The following LHFPL3 variants were observed in gnomAD, a reference collection of about 807,000 sequenced individuals.
LHFPL3 encodes the protein LHFPL tetraspan subfamily member 3 protein.
A neutral mutation model predicts 19.3 loss-of-function variants in LHFPL3; 5 were observed. That is an observed-to-expected ratio of 0.26 (90% confidence interval 0.14 to 0.54). The LOEUF (loss-of-function observed/expected upper bound fraction) is 0.54. LHFPL3 is among the 20% of genes least tolerant of loss of function. The pLI is 0.94. For synonymous variants in LHFPL3, 133 were observed against 126.2 expected (o/e 1.05, Z -0.36); for missense variants, 249 against 307.4 (o/e 0.81, Z 1.42).
At chr7:104,846,276 A>AAAT (rs1296446856) in intron 2 of LHFPL3, among the ~76,000 whole-genome samples, 1 of 152,232 alleles carries the variant, frequency 6.6e-6, no homozygotes, top group African/African-American at 2.4e-5. Context: ...GGAACATTTA[A>AAAT]AATATGATCC....
At chr7:104,691,797 T>G (rs902254351) in intron 1 of LHFPL3, among the ~76,000 whole-genome samples, 2 of 152,192 alleles carry the variant, frequency 1.3e-5, no homozygotes, top group African/African-American at 4.8e-5. Context: ...TTTGGAGGGC[T>G]CAGAAGACAG....
At chr7:104,725,319 T>C (rs1424132933) in intron 1 of LHFPL3, among the ~76,000 whole-genome samples, 3 of 152,236 alleles carry the variant, frequency 2.0e-5, no homozygotes, top group East Asian at 3.8e-4. Context: ...TCCAGTGAAG[T>C]TGTCCTATAA....
intron 1 of LHFPL3, among the ~76,000 whole-genome samples, chr7:104,444,857 G>T (rs1562899503): frequency 6.6e-6 from 1 of 152,040 alleles, no homozygotes; most frequent in East Asian, 1.9e-4. Flanking sequence ...GTATGATGGC[G>T]CATGTCTGTA....
intron 1 of LHFPL3, among the ~76,000 whole-genome samples, chr7:104,597,577 A>G (rs1311460060): frequency 6.6e-6 from 1 of 152,210 alleles, no homozygotes; most frequent in African/African-American, 2.4e-5. Context: ...GGGGAGGGGA[A>G]TGTGATTTCT....
intron 1 of LHFPL3, among the ~76,000 whole-genome samples, chr7:104,605,153 C>T (rs561849265): frequency 3.3e-5 from 5 of 152,190 alleles, no homozygotes; most frequent in East Asian, 1.9e-4. Flanking sequence ...TTTTAATCCA[C>T]GGGAAATATT....
chr7:104,738,841 C>G (rs1793879246), intron 2 of LHFPL3: 2 of 152,106 alleles, frequency 1.3e-5, no homozygotes, highest in Admixed American at 1.3e-4. Flanking sequence ...TATATTAAAC[C>G]ACCTTGCTAT....
chr7:104,495,942 A>T (rs1231830331), intron 1 of LHFPL3, among the ~76,000 whole-genome samples: 2 of 152,116 alleles, frequency 1.3e-5, no homozygotes. Flanking sequence ...ATTGTCTGAG[A>T]TCACACAGCT....
chr7:104,739,121 A>G (rs568229763), intron 2 of LHFPL3: 6 of 152,292 alleles, frequency 3.9e-5, no homozygotes, highest in East Asian at 1.9e-4. Flanking sequence ...AAACAGCTCT[A>G]TTGTAGGGAA....
Position 104,383,263 on chromosome 7 carries a change from T to C in LHFPL3, c.445+54039T>C, listed in dbSNP as rs1341315473. 3.3e-5 allele frequency among the ~76,000 whole-genome samples: 5 copies of C among 152,228 alleles called. No individual in the cohort carries two copies. The East Asian group carries it at 9.6e-4, about 29-fold the overall frequency. On this transcript the variant is annotated intron_variant, in intron 1 of 2. Transcript: ENST00000424859. ...TCTTCTTAGCACAGTGACTCTGATG[T>C]GGAGGTTTCAGATAGTGTAAGTACA...
In LHFPL3 at chr7:104,696,703, A is replaced by C. The variant is rs535978324; in HGVS notation, c.446-39972A>C. ...GTAGAAGGTCTTGCCAGAAAAGATA[A>C]AAGAAATTGATGGCTCTGAGGATTT... is the stretch of plus-strand genomic sequence containing the variant. On this transcript the variant is annotated intron_variant, in intron 1 of 2. Transcript: ENST00000424859. Among the ~76,000 whole-genome samples the C allele has an allele frequency of 5.3e-5, 8 of 152,348 alleles. No individual in the cohort carries two copies. In the East Asian group the frequency reaches 1.5e-3, roughly 29 times the overall value.
At chr7:104,606,949 C>G (rs1418994418) in intron 1 of LHFPL3, among the ~76,000 whole-genome samples, 2 of 151,482 alleles carry the variant, frequency 1.3e-5, no homozygotes, top group East Asian at 3.9e-4. Context: ...AAAAACACTT[C>G]AAAACAAAAC....
intron 2 of LHFPL3, among the ~76,000 whole-genome samples, chr7:104,824,866 T>A (rs915162621): frequency 1.5e-5 from 2 of 134,528 alleles, no homozygotes; most frequent in South Asian, 2.1e-4. Flanking sequence ...TTATATATAT[T>A]ATCTAATAAT....
rs34354085 is a variant in LHFPL3 at position 104,472,358 on chromosome 7, C to T, written c.445+143134C>T. Among the ~76,000 whole-genome samples the T allele has an allele frequency of 2.7e-3, 409 of 152,204 alleles. 2 individuals are homozygous for T. The highest frequency in any genetic ancestry group is 6.9e-3 in the Admixed American group (106 of 15,284). Reference sequence around the variant, plus strand: ...CTCACTTCCCATCAAATGGATAACACGAAACACTATCCTCAAAGGCTACTT... The same window carrying T: ...CTCACTTCCCATCAAATGGATAACATGAAACACTATCCTCAAAGGCTACTT... On this transcript the variant is annotated intron_variant, in intron 1 of 2. Transcript: ENST00000424859.
intron 2 of LHFPL3, among the ~76,000 whole-genome samples, chr7:104,836,122 T>A (rs1468062095): frequency 6.6e-6 from 1 of 152,076 alleles, no homozygotes; most frequent in Non-Finnish European, 1.5e-5. Flanking sequence ...ACCACAATGA[T>A]AACAAAGATT....
At chr7:104,793,125 A>C (rs1790055912) in intron 2 of LHFPL3, among the ~76,000 whole-genome samples, 1 of 152,042 alleles carries the variant, frequency 6.6e-6, no homozygotes, top group Admixed American at 6.6e-5. Flanking sequence ...CAAACTCCTG[A>C]CCTCAGGTGA....
chr7:104,577,626 G>A, intron 1 of LHFPL3, among the ~76,000 whole-genome samples: 1 of 152,068 alleles, frequency 6.6e-6, no homozygotes, highest in East Asian at 1.9e-4. Flanking sequence ...CCTAAAGATT[G>A]TTTCCCCTAG....
At chr7:104,801,368 GC>G (rs1790241777) in intron 2 of LHFPL3, among the ~76,000 whole-genome samples, 1 of 152,140 alleles carries the variant, frequency 6.6e-6, no homozygotes. Context: ...TGACAGATAA[GC>G]TTTGCTCTGC....
intron 2 of LHFPL3, among the ~76,000 whole-genome samples, chr7:104,868,294 T>A (rs1257217736): frequency 6.6e-6 from 1 of 152,208 alleles, no homozygotes; most frequent in Non-Finnish European, 1.5e-5. Context: ...AAATTGTCCC[T>A]GTTTGCAGAT....
At chr7:104,515,035 C>A (rs1001449441) in intron 1 of LHFPL3, among the ~76,000 whole-genome samples, 1 of 152,164 alleles carries the variant, frequency 6.6e-6, no homozygotes, top group Admixed American at 6.6e-5. Flanking sequence ...TGTCCTACTT[C>A]TTTCACTTTT....
Sources: gnomAD v4.1 joint callset for allele counts (sites outside exome capture counted in the v4.1 genomes callset) on GRCh38, gnomAD v4.1.1 for gene constraint, MANE v1.5 for transcripts, NCBI Gene and HGNC (gene_info 2026-07-23, HGNC 2026-07-21) for gene names.